Variants in GAS7 observed in about 807,000 individuals in gnomAD.
GAS7 encodes the protein growth arrest-specific protein 7.
A neutral mutation model predicts 71.1 loss-of-function variants in GAS7; 28 were observed. That is an observed-to-expected ratio of 0.39 (90% confidence interval 0.29 to 0.54). GAS7 has a LOEUF of 0.54. GAS7 is among the 20% of genes least tolerant of loss of function. GAS7 has a pLI of 0.62. For synonymous variants in GAS7, 258 were observed against 245.8 expected (o/e 1.05, Z -0.46); for missense variants, 436 against 627.8 (o/e 0.69, Z 3.27).
chr17:10,183,299 T>C (rs72810944), intron 1 of GAS7, among the ~76,000 whole-genome samples: 4,529 of 152,190 alleles, frequency 0.03, 109 homozygotes, highest in South Asian at 0.099. Flanking sequence ...TCGATAATGC[T>C]GCACCAGACA....
chr17:10,066,003 G>A (rs1353416040), intron 1 of GAS7, among the ~76,000 whole-genome samples: 1 of 152,194 alleles, frequency 6.6e-6, no homozygotes, highest in Non-Finnish European at 1.5e-5. Context: ...AAGTTAGGGG[G>A]CTGTATGCTT....
At chr17:10,150,497 AC>A (rs1385166360) in intron 1 of GAS7, among the ~76,000 whole-genome samples, 1 of 151,530 alleles carries the variant, frequency 6.6e-6, no homozygotes, top group African/African-American at 2.4e-5. Context: ...TTGAAATGTA[AC>A]TTTTCTCCTT....
chr17:10,192,284 G>A (rs1199798528), intron 1 of GAS7, among the ~76,000 whole-genome samples: 1 of 152,192 alleles, frequency 6.6e-6, no homozygotes, highest in African/African-American at 2.4e-5. Flanking sequence ...TTTAAGTACA[G>A]AGGAATCCCT....
Position 10,103,185 on chromosome 17 carries a change from T to A in GAS7, c.184-83288A>T, listed in dbSNP as rs552646743. On this transcript the variant is annotated intron_variant, in intron 1 of 13. Transcript: ENST00000432992. The surrounding 1 kb of genome is among the most constrained non-coding windows in gnomAD (Gnocchi z 5.5). ...CTGGGCAATATGGCAAAACCCCTCCTCTAAAAAAATTAGCCAGGCGTGGTG... is the reference window on the plus strand; with the variant it reads ...CTGGGCAATATGGCAAAACCCCTCCACTAAAAAAATTAGCCAGGCGTGGTG... Among the ~76,000 whole-genome samples, 2 of 151,690 alleles carry A rather than the reference T, an allele frequency of 1.3e-5. No individual in the cohort carries two copies. Among genetic ancestry groups the A allele is most frequent in the Admixed American group, 6.6e-5 (1 of 15,204 alleles).
intron 2 of GAS7, among the ~76,000 whole-genome samples, chr17:9,985,046 C>T (rs762681681): frequency 6.6e-6 from 1 of 152,126 alleles, no homozygotes; most frequent in Non-Finnish European, 1.5e-5. Flanking sequence ...CCCTGGACAA[C>T]CAGGGACAGG....
intron 1 of GAS7, among the ~76,000 whole-genome samples, chr17:10,074,808 T>A (rs369133051): frequency 3.1e-5 from 1 of 32,516 alleles, no homozygotes; most frequent in East Asian, 4.5e-4. Context: ...AGAAAAACAA[T>A]TGGGAGAAGA....
chr17:10,144,990 C>T (rs559735730), intron 1 of GAS7, among the ~76,000 whole-genome samples: 44 of 152,316 alleles, frequency 2.9e-4, no homozygotes, highest in African/African-American at 1.1e-3. Flanking sequence ...CAGAGACAGG[C>T]AACTGGATGA....
At chr17:10,133,966 A>G (rs915285247) in intron 1 of GAS7, among the ~76,000 whole-genome samples, 6 of 152,090 alleles carry the variant, frequency 3.9e-5, no homozygotes, top group African/African-American at 9.7e-5. Flanking sequence ...AAATGCTCCA[A>G]TGACCATTTT....
intron 7 of GAS7, among the ~76,000 whole-genome samples, chr17:9,941,436 C>A (rs1202081619): frequency 6.6e-6 from 1 of 152,192 alleles, no homozygotes; most frequent in Non-Finnish European, 1.5e-5. Context: ...CGACAGCGTG[C>A]GTCACCTCTA....
At chr17:10,151,001 G>A (rs1222540727) in intron 1 of GAS7, among the ~76,000 whole-genome samples, 1 of 152,176 alleles carries the variant, frequency 6.6e-6, no homozygotes, top group Middle Eastern at 3.2e-3. Flanking sequence ...GACAATAGTA[G>A]AACCTAACGC....
At chr17:10,115,839 T>C (rs2073856067) in intron 1 of GAS7, among the ~76,000 whole-genome samples, 1 of 152,078 alleles carries the variant, frequency 6.6e-6, no homozygotes, top group Non-Finnish European at 1.5e-5. Flanking sequence ...AAAGCTCCAA[T>C]ATCCAGGCAA....
intron 1 of GAS7, among the ~76,000 whole-genome samples, chr17:10,181,204 C>CA (rs558453512): frequency 2.7e-5 from 4 of 146,664 alleles, no homozygotes; most frequent in African/African-American, 5.0e-5. Flanking sequence ...TACTACAGTA[C>CA]AAAAAATTAG....
At chr17:10,094,936 T>G (rs563025717) in intron 1 of GAS7, among the ~76,000 whole-genome samples, 1 of 152,180 alleles carries the variant, frequency 6.6e-6, no homozygotes, top group Admixed American at 6.5e-5. Context: ...TCCCTTCATT[T>G]CCATTTCTGT....
intron 1 of GAS7, among the ~76,000 whole-genome samples, chr17:10,056,600 A>ATG (rs2073139976): frequency 6.6e-6 from 1 of 151,974 alleles, no homozygotes; most frequent in Non-Finnish European, 1.5e-5. Flanking sequence ...GGCCGGGCGC[A>ATG]GTGGCTCACG....
chr17:10,080,836 A>G lies in GAS7; in HGVS notation c.184-60939T>C, dbSNP rs373193796. Among the ~76,000 whole-genome samples, 192 of 152,376 alleles carry G rather than the reference A, an allele frequency of 1.3e-3. 3 individuals are homozygous for G. The South Asian group carries it at 0.018, about 14-fold the overall frequency. On this transcript the variant is annotated intron_variant, in intron 1 of 13. Transcript: ENST00000432992. The stretch of plus-strand genomic sequence containing the variant: ...AGGACTTATTCCATCAGATAGTAAA[A>G]CTTCTTGCAAAGTTACAATTAAAAT...
chr17:10,096,522 C>A (rs1317484368), intron 1 of GAS7, among the ~76,000 whole-genome samples: 1 of 152,212 alleles, frequency 6.6e-6, no homozygotes, highest in Non-Finnish European at 1.5e-5. Flanking sequence ...CCCACAGTGG[C>A]CTTCTTCCAA....
intron 1 of GAS7, among the ~76,000 whole-genome samples, chr17:10,187,717 A>G (rs2074466075): frequency 6.6e-6 from 1 of 152,234 alleles, no homozygotes; most frequent in Non-Finnish European, 1.5e-5. Context: ...AAAAAAAATC[A>G]AATCCACCCC....
intron 1 of GAS7, among the ~76,000 whole-genome samples, chr17:10,038,695 A>ATTTTTT (rs71365709): frequency 8.3e-6 from 1 of 121,212 alleles, no homozygotes; most frequent in Non-Finnish European, 1.7e-5. Context: ...GAAGGAAGGA[A>ATTTTTT]TTTTTTTTTT....
rs1440296082 is a variant in GAS7, at chr17:10,109,660, T to C, written c.183+88548A>G. On this transcript the variant is annotated intron_variant, in intron 1 of 13. Coordinates refer to ENST00000432992, the MANE Select transcript of GAS7 (RefSeq NM_201433.2). ...CAGGCCAGGAGCAGTGGCTCACGCC[T>C]GTAATTCCAACACTTTGGGAGGCCA... Among the ~76,000 whole-genome samples, 4 of 152,232 alleles carry C rather than the reference T, an allele frequency of 2.6e-5. No homozygotes were observed. The East Asian group carries it at 7.7e-4, about 29-fold the overall frequency.
Sources: gnomAD v4.1 joint callset for allele counts (sites outside exome capture counted in the v4.1 genomes callset) on GRCh38, gnomAD v4.1.1 for gene constraint, Gnocchi (gnomAD v3.1) non-coding constraint, MANE v1.5 for transcripts, NCBI Gene and HGNC (gene_info 2026-07-23, HGNC 2026-07-21) for gene names.